TBC1D22A: variants seen among roughly 807,000 people sequenced by gnomAD.
TBC1D22A encodes the protein putative GTPase activator.
Under a neutral mutation model 60.2 loss-of-function variants are expected in TBC1D22A, and 38 were observed. The ratio of observed to expected loss-of-function variants is 0.63; its 90% CI spans 0.49 to 0.83. The LOEUF (loss-of-function observed/expected upper bound fraction) is 0.83, where lower values mean the gene tolerates loss of function less well. Among genes scored for constraint, TBC1D22A ranks in the 40% least tolerant of loss-of-function variants. The pLI, the probability that TBC1D22A is intolerant of heterozygous loss-of-function variation, is 0.00. For synonymous variants in TBC1D22A, 302 were observed against 281.7 expected (o/e 1.07, Z -0.72); for missense variants, 628 against 701.0 (o/e 0.90, Z 1.18).
chr22:46,983,031 G>A (rs1424073143), intron 9 of TBC1D22A, among the ~76,000 whole-genome samples: 1 of 152,244 alleles, frequency 6.6e-6, no homozygotes, highest in East Asian at 1.9e-4. Flanking sequence ...TGCTGCACTT[G>A]TAGTCATCGG....
intron 10 of TBC1D22A, among the ~76,000 whole-genome samples, chr22:47,002,756 C>T (rs11704419): frequency 0.24 from 36,573 of 152,064 alleles, 4,707 homozygotes; most frequent in East Asian, 0.29. Context: ...AAGAGCTGTT[C>T]CCTGGGGCCC....
chr22:47,016,285 G>A (rs1197398125), intron 10 of TBC1D22A, among the ~76,000 whole-genome samples: 1 of 152,144 alleles, frequency 6.6e-6, no homozygotes, highest in Non-Finnish European at 1.5e-5. Context: ...GCCTGGCAGG[G>A]TAGCCCAGAC....
intron 11 of TBC1D22A, among the ~76,000 whole-genome samples, chr22:47,074,199 C>T (rs532658489): frequency 2.0e-5 from 3 of 152,312 alleles, no homozygotes; most frequent in Non-Finnish European, 4.4e-5. Flanking sequence ...ATGATGTGGA[C>T]GATGCGTGTC....
chr22:47,076,036 G>A (rs79304268), intron 11 of TBC1D22A, among the ~76,000 whole-genome samples: 3,468 of 152,078 alleles, frequency 0.023, 152 homozygotes, highest in African/African-American at 0.08. Context: ...TTGGCCTTAC[G>A]GTATATTAGG....
intron 8 of TBC1D22A, among the ~76,000 whole-genome samples, chr22:46,926,054 C>T (rs1352965532): frequency 1.3e-5 from 2 of 152,172 alleles, no homozygotes; most frequent in Non-Finnish European, 2.9e-5. Flanking sequence ...TTTTAGAACA[C>T]ACCCTAAATA....
chr22:47,070,743 ACGG>A (rs2063954685), intron 11 of TBC1D22A, among the ~76,000 whole-genome samples: 22 of 194 alleles, frequency 0.11, 11 homozygotes, highest in African/African-American at 0.33. Flanking sequence ...GGCTGACCTG[ACGG>A]TTCCAGGCTG....
intron 7 of TBC1D22A, among the ~76,000 whole-genome samples, chr22:46,895,295 A>G (rs2068615697): frequency 6.6e-6 from 1 of 151,826 alleles, no homozygotes. Flanking sequence ...GACAGTAGGG[A>G]CACAATGTAT....
intron 4 of TBC1D22A, among the ~76,000 whole-genome samples, chr22:46,871,445 T>C (rs1050335761): frequency 6.6e-6 from 1 of 152,212 alleles, no homozygotes. Context: ...ATTCACCAAG[T>C]AGACTGTATG....
Position 47,141,260 on chromosome 22 carries a change from G to C in TBC1D22A, c.1425+29657G>C, listed in dbSNP as rs186345818. Among the ~76,000 whole-genome samples the C allele has an allele frequency of 1.0e-3, 156 of 152,248 alleles. 1 individual carries two copies. Among genetic ancestry groups the C allele is most frequent in the East Asian group, 2.5e-3 (13 of 5,176 alleles). On this transcript the variant is annotated intron_variant, in intron 12 of 12. Transcript: ENST00000337137. ...CTGCCGGGCCCCTCCCATGACATGT[G>C]GGGATTGTGGGAGCTACAATTCAAG...
At chr22:47,168,112 C>T (rs9626957) in intron 12 of TBC1D22A, among the ~76,000 whole-genome samples, 31,732 of 151,974 alleles carry the variant, frequency 0.21, 4,320 homozygotes, top group African/African-American at 0.39. Flanking sequence ...GTTGCTTCAC[C>T]GGACTCTGCG....
Position 46,962,281 on chromosome 22 carries a change from C to G in TBC1D22A, c.1016-12009C>G, listed in dbSNP as rs1557499. ...TGGAAAACAGCTAAACTTTACCAGA[C>G]AATAAAGAATGTGAATTAGATCTCA... is the stretch of plus-strand genomic sequence containing the variant. On this transcript the variant is annotated intron_variant, in intron 8 of 12. Transcript: ENST00000337137. Among the ~76,000 whole-genome samples, 1,140 of 152,284 alleles carry G rather than the reference C, an allele frequency of 7.5e-3. 7 individuals carry two copies. Among genetic ancestry groups the G allele is most frequent in the Middle Eastern group, 0.024 (7 of 294 alleles).
chr22:47,126,004 C>T (rs1461566793), intron 12 of TBC1D22A, among the ~76,000 whole-genome samples: 1 of 151,982 alleles, frequency 6.6e-6, no homozygotes, highest in Non-Finnish European at 1.5e-5. Context: ...TTTTTTGAGA[C>T]AGAGTCTCGC....
intron 4 of TBC1D22A, among the ~76,000 whole-genome samples, chr22:46,821,644 C>T (rs2085835953): frequency 6.6e-6 from 1 of 152,130 alleles, no homozygotes; most frequent in Non-Finnish European, 1.5e-5. Flanking sequence ...GTGACCTGGC[C>T]TTTCTCTCTG....
chr22:47,159,696 C>T (rs1297585210), intron 12 of TBC1D22A, among the ~76,000 whole-genome samples: 3 of 151,840 alleles, frequency 2.0e-5, no homozygotes, highest in African/African-American at 7.3e-5. Context: ...ATGCACCACA[C>T]ACCACATATA....
chr22:46,940,089 T>A (rs1002202623), intron 8 of TBC1D22A, among the ~76,000 whole-genome samples: 2 of 152,244 alleles, frequency 1.3e-5, no homozygotes, highest in Admixed American at 6.5e-5. Flanking sequence ...ATATAAAAGT[T>A]ATGTTTTGTA....
chr22:46,864,893 A>G (rs2066979185), intron 4 of TBC1D22A, among the ~76,000 whole-genome samples: 1 of 152,162 alleles, frequency 6.6e-6, no homozygotes, highest in South Asian at 2.1e-4. Context: ...CGAGTGAGTG[A>G]GGAACTCAGG....
intron 8 of TBC1D22A, among the ~76,000 whole-genome samples, chr22:46,947,066 G>C (rs2072592194): frequency 6.6e-6 from 1 of 152,144 alleles, no homozygotes; most frequent in African/African-American, 2.4e-5. Flanking sequence ...AGACTGCCAG[G>C]CCCAGCCTCC....
chr22:47,111,965 T>C (rs2065865146), intron 12 of TBC1D22A, among the ~76,000 whole-genome samples: 2 of 152,224 alleles, frequency 1.3e-5, no homozygotes, highest in Admixed American at 6.5e-5. Context: ...TGTGATGCTT[T>C]AGGGACAGGG....
chr22:47,058,263 G>T (rs977929872), intron 11 of TBC1D22A, among the ~76,000 whole-genome samples: 2 of 152,118 alleles, frequency 1.3e-5, no homozygotes, highest in South Asian at 4.1e-4. Flanking sequence ...TCCCCATGCC[G>T]TGCAGGCCTG....
Sources: allele counts gnomAD v4.1 joint callset (sites outside exome capture counted in the v4.1 genomes callset), GRCh38; gene constraint gnomAD v4.1.1; transcripts MANE v1.5; gene names NCBI Gene and HGNC (gene_info 2026-07-23, HGNC 2026-07-21).